Variants in SLC36A1 observed in about 807,000 individuals in gnomAD.
SLC36A1 encodes proton-coupled amino acid transporter 1.
Under a neutral mutation model 47.5 loss-of-function variants are expected in SLC36A1, and 30 were observed. The ratio of observed to expected loss-of-function variants is 0.63; its 90% CI spans 0.47 to 0.86. The LOEUF is 0.86. Among genes scored for constraint, SLC36A1 ranks in the 40% least tolerant of loss-of-function variants. The pLI is 0.00. For missense variants in SLC36A1, 517 were observed against 606.0 expected (o/e 0.85, Z 1.54); for synonymous variants, 255 against 249.7 (o/e 1.02, Z -0.20).
At chr5:151,458,434 G>A (rs1755013190) in intron 1 of SLC36A1, among the ~76,000 whole-genome samples, 1 of 151,536 alleles carries the variant, frequency 6.6e-6, no homozygotes, top group African/African-American at 2.4e-5. Flanking sequence ...CTAAGGAATA[G>A]GGAATGCGGA....
the SLC36A1 span, among the ~76,000 whole-genome samples, chr5:151,399,085 T>TATATATATATA: frequency 1.5e-3 from 88 of 59,558 alleles, no homozygotes; most frequent in East Asian, 0.012. Flanking sequence ...TATATATATA[T>TATATATATATA]TTTTTTTTTT....
the SLC36A1 span, among the ~76,000 whole-genome samples, chr5:151,503,530 C>T: frequency 2.0e-5 from 3 of 150,808 alleles, no homozygotes; most frequent in East Asian, 1.9e-4. Context: ...CTTCTTTGCC[C>T]AGCTGGATTG....
chr5:151,531,409 C>A, the SLC36A1 span, among the ~76,000 whole-genome samples: 2 of 152,004 alleles, frequency 1.3e-5, no homozygotes, highest in African/African-American at 4.8e-5. This position sits in a 1 kb window ranked among gnomAD's most constrained non-coding sequence, Gnocchi z 5.7. Context: ...ATAAGCTGGC[C>A]CCAGGGTGGA....
the SLC36A1 span, among the ~76,000 whole-genome samples, chr5:151,385,872 C>CTT: frequency 7.5e-6 from 1 of 132,710 alleles, no homozygotes; most frequent in African/African-American, 2.7e-5. Flanking sequence ...CCTTCTGTAT[C>CTT]TTTTTTTTTT....
At chr5:151,527,311 C>A in the SLC36A1 span, 1 of 1,613,704 alleles carries the variant, frequency 6.2e-7, no homozygotes, top group Non-Finnish European at 8.5e-7. Context: ...ATAGCGATGT[C>A]TGTGTCCTCA....
At chr5:151,527,864 G>A in the SLC36A1 span, 1 of 1,249,170 alleles carries the variant, frequency 8.0e-7, no homozygotes, top group Middle Eastern at 2.9e-4. Context: ...GAGAAAACAA[G>A]TGAGAGACAT....
chr5:151,537,345 AAAG>A, the SLC36A1 span, among the ~76,000 whole-genome samples: 2 of 88,456 alleles, frequency 2.3e-5, no homozygotes, highest in South Asian at 1.0e-3. Flanking sequence ...AAAGAAAAGA[AAAG>A]AAAAAAGAAG....
chr5:151,526,220 T>G, the SLC36A1 span, among the ~76,000 whole-genome samples: 1 of 152,274 alleles, frequency 6.6e-6, no homozygotes, highest in South Asian at 2.1e-4. Context: ...GAAGGATCCT[T>G]AGAGAACAAA....
downstream of SLC36A1, among the ~76,000 whole-genome samples, chr5:151,494,111 A>C (rs1481970736): frequency 6.6e-6 from 1 of 152,092 alleles, no homozygotes; most frequent in Non-Finnish European, 1.5e-5. Flanking sequence ...AGGTAAGCCC[A>C]TTGCATTACT....
chr5:151,541,774 T>G, the SLC36A1 span, among the ~76,000 whole-genome samples: 1 of 152,254 alleles, frequency 6.6e-6, no homozygotes, highest in African/African-American at 2.4e-5. Flanking sequence ...AACTTCTCCA[T>G]CTGGGCCTTG....
chr5:151,497,645 C>T, the SLC36A1 span, among the ~76,000 whole-genome samples: 40 of 152,198 alleles, frequency 2.6e-4, no homozygotes, highest in African/African-American at 8.7e-4. Context: ...AGAAAGGCTG[C>T]GTGGGTTTCT....
chr5:151,403,468 C>T, the SLC36A1 span, among the ~76,000 whole-genome samples: 1 of 152,206 alleles, frequency 6.6e-6, no homozygotes, highest in Non-Finnish European at 1.5e-5. Context: ...GCGTGTGGCA[C>T]CTCCCCCTGC....
chr5:151,371,132 G>A, the SLC36A1 span, among the ~76,000 whole-genome samples: 1 of 152,058 alleles, frequency 6.6e-6, no homozygotes, highest in African/African-American at 2.4e-5. Flanking sequence ...AGTGTCTCCA[G>A]ACATTGAAAA....
At chr5:151,530,802 G>A in the SLC36A1 span, among the ~76,000 whole-genome samples, 1 of 152,216 alleles carries the variant, frequency 6.6e-6, no homozygotes, top group Non-Finnish European at 1.5e-5. Context: ...GGGCCAAAGG[G>A]TAAAGAGGAA....
the SLC36A1 span, among the ~76,000 whole-genome samples, chr5:151,537,329 G>A: frequency 5.9e-3 from 599 of 101,734 alleles, 6 homozygotes; most frequent in Non-Finnish European, 8.3e-3. Flanking sequence ...GAGAAAAAAA[G>A]AAAGAAAAGA....
At chr5:151,418,501 C>T in the SLC36A1 span, among the ~76,000 whole-genome samples, 5 of 152,134 alleles carry the variant, frequency 3.3e-5, no homozygotes, top group South Asian at 2.1e-4. Context: ...GAGTCAAAGG[C>T]GATCATTTCA....
intron 1 of SLC36A1, among the ~76,000 whole-genome samples, chr5:151,437,962 C>A (rs1247504980): frequency 6.6e-6 from 1 of 152,082 alleles, no homozygotes; most frequent in Non-Finnish European, 1.5e-5. Flanking sequence ...TCTTTAAAGC[C>A]AGTAGAATAG....
chr5:151,388,720 C>T, the SLC36A1 span, among the ~76,000 whole-genome samples: 1 of 151,982 alleles, frequency 6.6e-6, no homozygotes, highest in Non-Finnish European at 1.5e-5. Flanking sequence ...ATTGAATTCA[C>T]GTGAGATCAG....
chr5:151,475,041 G>A lies in SLC36A1; in HGVS notation c.822+1270G>A, dbSNP rs569091181. Among the ~76,000 whole-genome samples, 639 of 140,952 alleles carry A rather than the reference G, an allele frequency of 4.5e-3. 5 individuals are homozygous for A. Among genetic ancestry groups the A allele is most frequent in the African/African-American group, 0.02 (618 of 30,868 alleles). The allele number at this position is 140,952 out of a possible 152,430, so 92.5% of individuals were successfully genotyped here. A position where few individuals can be genotyped will look rare whatever the true frequency, so the allele number is the denominator to read the frequency against. On this transcript the variant is annotated intron_variant, in intron 8 of 10. Transcript: ENST00000243389. ...GGGAGTGATCACATGTAAATCACTG[G>A]TCTCCCTGAGGTTTTATACCTTGCC...
Sources: gnomAD v4.1 joint callset for allele counts (sites outside exome capture counted in the v4.1 genomes callset) on GRCh38, gnomAD v4.1.1 for gene constraint, Gnocchi (gnomAD v3.1) non-coding constraint, MANE v1.5 for transcripts, NCBI Gene and HGNC (gene_info 2026-07-23, HGNC 2026-07-21) for gene names.